Variants in PDHX observed in about 807,000 individuals in gnomAD.
The protein encoded by PDHX is pyruvate dehydrogenase complex component X, also known as pyruvate dehydrogenase protein X component, mitochondrial.
Under a neutral mutation model 55.3 loss-of-function variants are expected in PDHX, and 33 were observed. The ratio of observed to expected loss-of-function variants is 0.60; its 90% CI spans 0.45 to 0.80. The LOEUF (loss-of-function observed/expected upper bound fraction) is 0.80, where lower values mean the gene tolerates loss of function less well. Ranked by LOEUF, PDHX falls within the 30% of genes least tolerant of loss-of-function variation. The pLI, the probability that PDHX is intolerant of heterozygous loss-of-function variation, is 0.00. For missense variants in PDHX, 622 were observed against 619.9 expected, an observed-to-expected ratio of 1.00 and a Z score of -0.04; for synonymous variants, 226 against 219.4, an observed-to-expected ratio of 1.03 and a Z score of -0.27.
At chr11:34,928,606 A>G (rs898056477) in intron 1 of PDHX, among the ~76,000 whole-genome samples, 1 of 152,180 alleles carries the variant, frequency 6.6e-6, no homozygotes, top group African/African-American at 2.4e-5. Context: ...AGAAAAAGGC[A>G]GTAGACACAC....
chr11:34,934,571 ATTTTTTTTTTTTTT>A (rs35227178), intron 2 of PDHX, among the ~76,000 whole-genome samples: 9 of 92,418 alleles, frequency 9.7e-5, no homozygotes, highest in Non-Finnish European at 1.2e-4. Flanking sequence ...GATATTATGG[ATTTTTTTTTTTTTT>A]TTTTTTTTTT....
At chr11:34,946,041 CTT>C (rs967785692) in intron 2 of PDHX, among the ~76,000 whole-genome samples, 2 of 152,186 alleles carry the variant, frequency 1.3e-5, no homozygotes, top group African/African-American at 4.8e-5. Context: ...CAGCCTCAGT[CTT>C]TGTCACTTAA....
chr11:34,987,431 A>G (rs1037440718), intron 9 of PDHX, among the ~76,000 whole-genome samples: 1 of 152,202 alleles, frequency 6.6e-6, no homozygotes, highest in Non-Finnish European at 1.5e-5. Flanking sequence ...GGCACCTTGC[A>G]TGGCCTATTT....
At chr11:34,964,269 ATAAT>A in intron 5 of PDHX, among the ~76,000 whole-genome samples, 1 of 152,334 alleles carries the variant, frequency 6.6e-6, no homozygotes, top group South Asian at 2.1e-4. Context: ...TTACTAAACA[ATAAT>A]TAAGATTTAT....
Position 34,957,474 on chromosome 11 carries a change from A to G in PDHX, c.433A>G (p.Lys145Glu). The change falls in exon 4 of 11, where the codon AAA becomes GAA. Residue 145 changes from lysine (K) to glutamate (E), a missense_variant. Transcript: ENST00000227868. ...GEDWKHVEIP[K>E]DVGPPPPVSK... ...AGATTGGAAACATGTTGAAATTCCC[A>G]AAGACGTAGGTCCTCCACCACCAGT... The G allele has an allele frequency of 1.2e-6, 2 of 1,613,964 alleles. No homozygotes were observed. Among genetic ancestry groups the G allele is most frequent in the Non-Finnish European group, 1.7e-6 (2 of 1,179,822 alleles).
rs1027895831 is a variant in PDHX at position 34,921,974 on chromosome 11, G to A, written c.160+5159G>A. On this transcript the variant is annotated intron_variant, in intron 1 of 10. Coordinates refer to ENST00000227868, the MANE Select transcript of PDHX (RefSeq NM_003477.3). ...AAGAAATAGACTCAGAGAGGTTTTA[G>A]CATTTTACCCAAGGTTAGTGGATAA... 6.6e-5 allele frequency among the ~76,000 whole-genome samples: 10 copies of A among 152,212 alleles called. No individual in the cohort carries two copies. The South Asian group carries it at 1.0e-3, about 16-fold the overall frequency.
chr11:34,933,704 G>A (rs966102604), intron 2 of PDHX, among the ~76,000 whole-genome samples: 1 of 152,102 alleles, frequency 6.6e-6, no homozygotes, highest in East Asian at 1.9e-4. Context: ...TTGGAGAGTA[G>A]CTACTTGCAG....
chr11:34,919,413 T>C (rs1008918013), intron 1 of PDHX, among the ~76,000 whole-genome samples: 9 of 152,228 alleles, frequency 5.9e-5, no homozygotes, highest in African/African-American at 1.9e-4. Context: ...TTCACACAAA[T>C]ATCTTTAAAA....
In PDHX at chr11:34,995,328, T is replaced by G; in HGVS notation, c.*156T>G. ...GCATTTGACCCAGGGTGTCTTCATC[T>G]TCAATTTGGGTTTAATGTTATAGAA... On this transcript the variant is annotated 3_prime_UTR_variant, in exon 11 of 11. Coordinates refer to ENST00000227868, the MANE Select transcript of PDHX (RefSeq NM_003477.3). The G allele has an allele frequency of 1.3e-6, 1 of 756,462 alleles. No individual in the cohort carries two copies. Among genetic ancestry groups the G allele is most frequent in the Non-Finnish European group, 2.2e-6 (1 of 446,996 alleles). The allele number at this position is 756,462 out of a possible 1,614,324, so 46.9% of individuals were successfully genotyped here. A position where few individuals can be genotyped will look rare whatever the true frequency, so the allele number is the denominator to read the frequency against.
intron 1 of PDHX, among the ~76,000 whole-genome samples, chr11:34,927,495 C>G (rs1270910704): frequency 6.6e-6 from 1 of 151,974 alleles, no homozygotes; most frequent in Admixed American, 6.5e-5. Context: ...CTAGAAAAGT[C>G]TACACTATCT....
At chr11:34,932,397 GTCAAC>G (rs1358928391) in intron 2 of PDHX, among the ~76,000 whole-genome samples, 11 of 152,186 alleles carry the variant, frequency 7.2e-5, no homozygotes, top group African/African-American at 1.2e-4. Context: ...CGATAAGACT[GTCAAC>G]TCAACAAGAA....
chr11:34,973,814 G>GA (rs1484509519), intron 7 of PDHX, among the ~76,000 whole-genome samples: 2 of 151,910 alleles, frequency 1.3e-5, no homozygotes, highest in African/African-American at 4.8e-5. Context: ...TAAAATGAGG[G>GA]AAAAAATGTC....
At chr11:34,992,703 T>A (rs1173804603) in intron 10 of PDHX, among the ~76,000 whole-genome samples, 1 of 152,172 alleles carries the variant, frequency 6.6e-6, no homozygotes, top group African/African-American at 2.4e-5. Context: ...CAACCACTTA[T>A]TTATTATTGC....
At chr11:34,951,766 C>T (rs937550746) in intron 3 of PDHX, among the ~76,000 whole-genome samples, 1 of 152,120 alleles carries the variant, frequency 6.6e-6, no homozygotes, top group African/African-American at 2.4e-5. Context: ...ACATGAAGTC[C>T]TTGCCCATGC....
chr11:34,987,945 A>C (rs1476372013), intron 9 of PDHX, among the ~76,000 whole-genome samples: 1 of 152,132 alleles, frequency 6.6e-6, no homozygotes, highest in Non-Finnish European at 1.5e-5. Context: ...CGCATCCCCC[A>C]AAAAGGGTAG....
upstream of PDHX, chr11:34,916,137 C>A (rs561463212): frequency 1.7e-3 from 2,556 of 1,510,264 alleles, 5 homozygotes; most frequent in Admixed American, 2.6e-3. Context: ...GCTAAACGCC[C>A]GGCCCGCTAC....
At chr11:34,958,288 C>G (rs1191929715) in intron 4 of PDHX, among the ~76,000 whole-genome samples, 2 of 151,860 alleles carry the variant, frequency 1.3e-5, no homozygotes, top group Admixed American at 6.6e-5. Context: ...ATCCACAGTG[C>G]TTTTTTTAGG....
intron 10 of PDHX, among the ~76,000 whole-genome samples, chr11:34,994,551 C>T (rs1220624068): frequency 1.3e-5 from 2 of 152,144 alleles, no homozygotes; most frequent in African/African-American, 4.8e-5. Flanking sequence ...GTTATGACAG[C>T]TATGATGCCA....
intron 2 of PDHX, among the ~76,000 whole-genome samples, chr11:34,932,234 C>G (rs926822176): frequency 6.6e-6 from 1 of 152,012 alleles, no homozygotes; most frequent in East Asian, 1.9e-4. Flanking sequence ...AACTATAACT[C>G]AAAATCCAGA....
Sources: gnomAD v4.1 joint callset for allele counts (sites outside exome capture counted in the v4.1 genomes callset) on GRCh38, gnomAD v4.1.1 for gene constraint, MANE v1.5 for transcripts, NCBI Gene and HGNC (gene_info 2026-07-23, HGNC 2026-07-21) for gene names.